Variants in NOL8 observed in about 807,000 individuals in gnomAD.
NOL8 encodes the protein nucleolar protein Nop132.
In NOL8, 93 loss-of-function variants were observed where a neutral mutation model predicts 116.1. That is an observed-to-expected ratio of 0.80 (90% CI 0.68 to 0.95). The LOEUF (loss-of-function observed/expected upper bound fraction) is 0.95. Among genes scored for constraint, NOL8 ranks in the 40% least tolerant of loss-of-function variants. The pLI, the probability that NOL8 is intolerant of heterozygous loss-of-function variation, is 0.00. For synonymous variants in NOL8, 419 were observed against 469.0 expected, an observed-to-expected ratio of 0.89 and a Z score of 1.38; for missense variants, 1,291 against 1,382.8, an observed-to-expected ratio of 0.93 and a Z score of 1.05.
chr9:92,315,690 A>G lies in NOL8; in HGVS notation c.935T>C (p.Ile312Thr), dbSNP rs558241663. Reference sequence around the variant, plus strand: ...TCTCTGTAAGTTTTCCTCTTTCGCAATCATCATTCTCAATTCATCTTCAGA... The same window carrying G: ...TCTCTGTAAGTTTTCCTCTTTCGCAGTCATCATTCTCAATTCATCTTCAGA... ...TDSEDELRMMIAKEENLQRTT... is the reference protein window; with the variant it reads ...TDSEDELRMMTAKEENLQRTT... The change falls in exon 7 of 17, where the codon ATT (isoleucine) becomes ACT (threonine). Residue 312 changes from isoleucine (I) to threonine (T), a missense_variant. Ile to Thr is a moderately conservative substitution (Grantham distance 89). Transcript: ENST00000442668. 9.3e-6 allele frequency: 15 copies of G among 1,612,564 alleles called. No individual in the cohort carries two copies. The African/African-American group carries it at 1.3e-4, about 14-fold the overall frequency.
chr9:92,315,406 TAG>T lies in NOL8; in HGVS notation c.1217_1218del (p.Ser406TyrfsTer9). 1 of 1,591,916 alleles carries T rather than the reference TAG, an allele frequency of 6.3e-7. No individual in the cohort carries two copies. The highest frequency in any genetic ancestry group is 2.2e-5 in the East Asian group (1 of 44,612). ...CTATTTTTGAAAGAAGTTTTCTTCG[TAG>T]ATTTTTCCATTTGTGAAAATTCTGT... ...NSTEFSQMEK[S>X]TKKTSFKNRE... is the part of the protein sequence containing the mutation. On this transcript the variant is annotated frameshift_variant, in exon 7 of 17. Transcript: ENST00000442668. LOFTEE classifies it high-confidence loss of function.
rs753442952 is a variant in NOL8, at chr9:92,315,729, T to A, written c.896A>T (p.Asp299Val). ...ETAKKRNSIS[D>V]DDTDSEDELR... Reference sequence around the variant, plus strand: ...TTCATCTTCAGAATCAGTATCATCATCAGAAATGCTGTTTCTCTTCTTGGC... The same window carrying A: ...TTCATCTTCAGAATCAGTATCATCAACAGAAATGCTGTTTCTCTTCTTGGC... Residue 299 changes from aspartate (D) to valine (V), a missense_variant, in exon 7 of 17, where the codon GAT becomes GTT. Coordinates refer to ENST00000442668, the MANE Select transcript of NOL8 (RefSeq NM_017948.6). The A allele has an allele frequency of 6.2e-7, 1 of 1,613,112 alleles. No individual in the cohort carries two copies. The highest frequency in any genetic ancestry group is 1.3e-5 in the African/African-American group (1 of 74,920).
chr9:92,319,490 G>T, intron 4 of NOL8, 134 bp from the exon 5 acceptor site: 2 of 816,868 alleles, frequency 2.4e-6, no homozygotes, highest in Non-Finnish European at 1.7e-6. Flanking sequence ...AAACAAAAAT[G>T]CTTTCTTAGT....
intron 4 of NOL8, 145 bp from the exon 5 acceptor site, chr9:92,319,501 A>T (rs549867624): frequency 2.9e-6 from 2 of 683,106 alleles, no homozygotes; most frequent in African/African-American, 3.8e-5. Flanking sequence ...CTTTCTTAGT[A>T]GCATAATAGC....
Position 92,297,834 on chromosome 9 carries a change from T to C in NOL8, c.*2A>G. ...TTCAGTATCAAAACCAGCTGACATTTATTATTTTGGTTTCATTTTCCTTTT... is the reference window on the plus strand; with the variant it reads ...TTCAGTATCAAAACCAGCTGACATTCATTATTTTGGTTTCATTTTCCTTTT... On this transcript the variant is annotated 3_prime_UTR_variant, in exon 17 of 17. Transcript: ENST00000442668. The C allele has an allele frequency of 6.5e-7, 1 of 1,548,626 alleles. No individual in the cohort carries two copies. The highest frequency in any genetic ancestry group is 8.7e-7 in the Non-Finnish European group (1 of 1,145,152).
chr9:92,318,033 CAAAAAAAAAAAAA>C (rs745928872), intron 6 of NOL8, among the ~76,000 whole-genome samples: 7 of 34,602 alleles, frequency 2.0e-4, no homozygotes, highest in Non-Finnish European at 3.8e-4. Flanking sequence ...GACTCCATCT[CAAAAAAAAAAAAA>C]AAAAAAAAAA....
chr9:92,298,716 T>C, intron 15 of NOL8, 168 bp downstream of exon 15: 1 of 489,312 alleles, frequency 2.0e-6, no homozygotes, highest in Non-Finnish European at 3.6e-6. Context: ...AAGTGGTGAG[T>C]GGGGAGCTCT....
chr9:92,315,277 G>C lies in NOL8; in HGVS notation c.1348C>G (p.Pro450Ala). The stretch of plus-strand genomic sequence containing the variant: ...TCTTCACTGCTACTGGAGTGAGAGG[G>C]AGATTTACGATTAAGAGACTTTAAT... ...HGLKSLNRKS[P>A]SHSSSSEDAD... The change falls in exon 7 of 17, where the codon CCC becomes GCC. Residue 450 changes from proline (P) to alanine (A), a missense_variant. Coordinates refer to ENST00000442668, the MANE Select transcript of NOL8 (RefSeq NM_017948.6). The C allele has an allele frequency of 2.5e-6, 4 of 1,613,994 alleles. No homozygotes were observed. Among genetic ancestry groups the C allele is most frequent in the Non-Finnish European group, 2.5e-6 (3 of 1,179,872 alleles).
intron 2 of NOL8, 94 bp from the exon 3 acceptor site, chr9:92,323,597 AAT>A: frequency 9.7e-7 from 1 of 1,027,780 alleles, no homozygotes; most frequent in Non-Finnish European, 1.4e-6. Context: ...TAAAAAAAAA[AAT>A]AGCTCTTGAA....
chr9:92,318,024 A>G (rs1265041319), intron 6 of NOL8, among the ~76,000 whole-genome samples: 1 of 129,110 alleles, frequency 7.7e-6, no homozygotes, highest in East Asian at 2.2e-4. Context: ...ACAGAGCAAG[A>G]CTCCATCTCA....
In NOL8 at chr9:92,299,579, C is replaced by T. The variant is rs193225287; in HGVS notation, c.3302+311G>A. Among the ~76,000 whole-genome samples, 45 of 152,034 alleles carry T rather than the reference C, an allele frequency of 3.0e-4. No individual in the cohort carries two copies. In the East Asian group the frequency reaches 7.2e-3, roughly 24 times the overall value. On this transcript the variant is annotated intron_variant, in intron 14 of 16. Coordinates refer to ENST00000442668, the MANE Select transcript of NOL8 (RefSeq NM_017948.6). The stretch of plus-strand genomic sequence containing the variant: ...CAGCCTGGCCAACATGGTGAAACCT[C>T]GCCTCTACTAAAAATACAAAAATTA...
chr9:92,306,008 C>T (rs1838221587), intron 11 of NOL8, among the ~76,000 whole-genome samples, 178 bp from the exon 12 acceptor site: 1 of 152,134 alleles, frequency 6.6e-6, no homozygotes, highest in African/African-American at 2.4e-5. Flanking sequence ...ATAGATTTTT[C>T]TTGGAGACAG....
At chr9:92,320,609 C>A (rs1323680729) in intron 4 of NOL8, among the ~76,000 whole-genome samples, 1 of 147,260 alleles carries the variant, frequency 6.8e-6, no homozygotes, top group Admixed American at 6.7e-5. Flanking sequence ...TTTTTTTTTC[C>A]TTTTTTTTTG....
chr9:92,306,793 G>A (rs1273061803), intron 11 of NOL8, 93 bp downstream of exon 11: 7 of 1,223,058 alleles, frequency 5.7e-6, no homozygotes, highest in Non-Finnish European at 8.1e-6. Flanking sequence ...TGCCTCCCCA[G>A]GCCATTAAAA....
At position 92,314,550 on chromosome 9, in the gene NOL8, C is replaced by T. The variant is rs2134130556; in HGVS notation, c.2075G>A (p.Gly692Asp). The T allele has an allele frequency of 5.0e-6, 8 of 1,613,514 alleles. No individual in the cohort carries two copies. The highest frequency in any genetic ancestry group is 6.8e-6 in the Non-Finnish European group (8 of 1,179,670). ...LSLSAKTHNIGFDKDSCHSTT... is the reference protein window; with the variant it reads ...LSLSAKTHNIDFDKDSCHSTT... ...ACTATGGCAGCTGTCTTTGTCAAAG[C>T]CTATGTTGTGAGTCTTTGCACTAAG... Residue 692 changes from glycine to aspartate, a missense_variant, in exon 7 of 17, where the codon GGC (glycine) becomes GAC (aspartate). Coordinates refer to ENST00000442668, the MANE Select transcript of NOL8 (RefSeq NM_017948.6).
At chr9:92,298,570 A>G (rs1837447208) in intron 15 of NOL8, 1 of 476,562 alleles carries the variant, frequency 2.1e-6, no homozygotes, top group African/African-American at 2.0e-5. Context: ...CTAGGCTTTA[A>G]GAAATGAGCT....
intron 10 of NOL8, among the ~76,000 whole-genome samples, chr9:92,308,439 C>T (rs1358641882): frequency 2.6e-5 from 4 of 152,076 alleles, no homozygotes; most frequent in African/African-American, 4.8e-5. Context: ...ACGCCATCAA[C>T]GCAGAAAGGT....
chr9:92,318,270 A>C (rs1395334864), intron 6 of NOL8, among the ~76,000 whole-genome samples: 1 of 152,032 alleles, frequency 6.6e-6, no homozygotes, highest in Non-Finnish European at 1.5e-5. Context: ...ACTTCTTATT[A>C]ATTCAAAACC....
rs150472714 is a variant in NOL8, at chr9:92,300,620, C to T, written c.3176-604G>A. ...TTGCTCTCAAAGTTAGAAAAACTAT[C>T]GTTACTATTTACATCATGCCAACTC... On this transcript the variant is annotated intron_variant, in intron 13 of 16. Transcript: ENST00000442668. The T allele has an allele frequency of 1.0e-3, 1,020 of 997,902 alleles. 1 individual carries two copies. The highest frequency in any genetic ancestry group is 1.2e-3 in the Admixed American group (21 of 17,216). The allele number at this position is 997,902 out of a possible 1,614,324, so 61.8% of individuals were successfully genotyped here. A position where few individuals can be genotyped will look rare whatever the true frequency, so the allele number is the denominator to read the frequency against.
Sources: allele counts gnomAD v4.1 joint callset (sites outside exome capture counted in the v4.1 genomes callset), GRCh38; gene constraint gnomAD v4.1.1; transcripts MANE v1.5; gene names NCBI Gene and HGNC (gene_info 2026-07-23, HGNC 2026-07-21).